FRMD5: variants seen among roughly 807,000 people sequenced by gnomAD.
The protein encoded by FRMD5 is FERM domain-containing protein 5.
Under a neutral mutation model 69.0 loss-of-function variants are expected in FRMD5, and 20 were observed. That is an observed-to-expected ratio of 0.29 (90% CI 0.20 to 0.42). FRMD5 has a LOEUF of 0.42. Among genes scored for constraint, FRMD5 ranks in the 10% least tolerant of loss-of-function variants. The pLI, the probability that FRMD5 is intolerant of heterozygous loss-of-function variation, is 1.00. For synonymous variants in FRMD5, 271 were observed against 260.1 expected (o/e 1.04, Z -0.40); for missense variants, 595 against 708.6 (o/e 0.84, Z 1.82).
intron 1 of FRMD5, among the ~76,000 whole-genome samples, chr15:44,128,037 G>C (rs2077046932): frequency 1.3e-5 from 2 of 152,134 alleles, no homozygotes; most frequent in Non-Finnish European, 2.9e-5. Flanking sequence ...TATGCCAAGA[G>C]AGAGGAAGGT....
chr15:43,929,581 G>A (rs866213211), intron 1 of FRMD5, among the ~76,000 whole-genome samples: 15 of 152,194 alleles, frequency 9.9e-5, no homozygotes, highest in Admixed American at 3.3e-4. Flanking sequence ...TTGGTTTCAC[G>A]GGCCCTTAGA....
At chr15:44,106,306 C>T (rs2076717411) in intron 1 of FRMD5, among the ~76,000 whole-genome samples, 1 of 152,134 alleles carries the variant, frequency 6.6e-6, no homozygotes, top group South Asian at 2.1e-4. Flanking sequence ...TGTGGGGTTT[C>T]CCTTTAAGGA....
At chr15:44,163,764 T>A (rs1273577840) in intron 1 of FRMD5, among the ~76,000 whole-genome samples, 2 of 152,104 alleles carry the variant, frequency 1.3e-5, no homozygotes, top group Non-Finnish European at 2.9e-5. Context: ...TTCTGCAGGG[T>A]CTCAGGAAAA....
At chr15:44,174,140 A>G (rs2077852557) in intron 1 of FRMD5, among the ~76,000 whole-genome samples, 2 of 152,158 alleles carry the variant, frequency 1.3e-5, no homozygotes, top group South Asian at 2.1e-4. Flanking sequence ...ATTCTGCTCA[A>G]TGTAACCATG....
chr15:44,035,944 T>G (rs1415926078), intron 1 of FRMD5, among the ~76,000 whole-genome samples: 1 of 152,214 alleles, frequency 6.6e-6, no homozygotes, highest in South Asian at 2.1e-4. Context: ...ATGTTATACA[T>G]GTGCTCCTGA....
chr15:44,176,630 T>C (rs965017105), intron 1 of FRMD5, among the ~76,000 whole-genome samples: 1 of 152,168 alleles, frequency 6.6e-6, no homozygotes, highest in African/African-American at 2.4e-5. Flanking sequence ...GTAAATCATC[T>C]ATCTGATAAA....
At chr15:43,920,943 G>A (rs905588306) in intron 2 of FRMD5, among the ~76,000 whole-genome samples, 2 of 152,218 alleles carry the variant, frequency 1.3e-5, no homozygotes, top group African/African-American at 4.8e-5. Flanking sequence ...GCTGGGCCAT[G>A]GGTCATGCAG....
At chr15:44,021,727 A>G (rs1438313871) in intron 1 of FRMD5, among the ~76,000 whole-genome samples, 4 of 152,218 alleles carry the variant, frequency 2.6e-5, no homozygotes, top group Non-Finnish European at 5.9e-5. Context: ...GCTATGTAAA[A>G]TGTTATGGTC....
intron 1 of FRMD5, among the ~76,000 whole-genome samples, chr15:44,136,024 T>C (rs191502090): frequency 7.2e-5 from 11 of 151,812 alleles, no homozygotes; most frequent in Non-Finnish European, 5.9e-5. Flanking sequence ...TCCCTTTTTT[T>C]CTTTTCTTTT....
chr15:43,926,420 G>T (rs768645643), intron 1 of FRMD5, among the ~76,000 whole-genome samples: 1 of 152,196 alleles, frequency 6.6e-6, no homozygotes, highest in Non-Finnish European at 1.5e-5. Flanking sequence ...AATTGAGGTT[G>T]TAAGATAAGA....
At chr15:43,992,364 G>A (rs1363561124) in intron 1 of FRMD5, among the ~76,000 whole-genome samples, 1 of 150,746 alleles carries the variant, frequency 6.6e-6, no homozygotes, top group African/African-American at 2.4e-5. Flanking sequence ...TTTTTGCAAG[G>A]GACTGGAGTT....
At chr15:44,029,630 G>A (rs190148901) in intron 1 of FRMD5, among the ~76,000 whole-genome samples, 2 of 152,304 alleles carry the variant, frequency 1.3e-5, no homozygotes, top group Admixed American at 1.3e-4. Context: ...TGCTGACATG[G>A]TAACTAAAAC....
intron 1 of FRMD5, among the ~76,000 whole-genome samples, chr15:43,931,671 G>C (rs995747670): frequency 6.6e-6 from 1 of 151,888 alleles, no homozygotes; most frequent in Non-Finnish European, 1.5e-5. Flanking sequence ...GGATGGCCAG[G>C]GTCAGGAGAA....
intron 1 of FRMD5, among the ~76,000 whole-genome samples, chr15:44,005,588 T>C (rs1890406782): frequency 6.6e-6 from 1 of 152,072 alleles, no homozygotes; most frequent in African/African-American, 2.4e-5. Flanking sequence ...GCGGCTTCTA[T>C]TTCTTGGGAG....
intron 1 of FRMD5, among the ~76,000 whole-genome samples, chr15:44,143,250 G>A (rs1247523559): frequency 2.6e-5 from 4 of 152,120 alleles, no homozygotes; most frequent in African/African-American, 9.7e-5. Context: ...AAACTAGAGA[G>A]TAGAAAATAT....
At chr15:44,048,661 C>T (rs1453365168) in intron 1 of FRMD5, among the ~76,000 whole-genome samples, 2 of 152,058 alleles carry the variant, frequency 1.3e-5, no homozygotes, top group Admixed American at 6.5e-5. Flanking sequence ...CAACCTCCGT[C>T]TCCCAGGTTC....
intron 1 of FRMD5, chr15:43,990,101 G>C: frequency 1.5e-6 from 1 of 662,418 alleles, no homozygotes. Flanking sequence ...AAGATGGCCC[G>C]GGGTGGGCAT....
chr15:44,198,808 T>G (rs1429408333), upstream of FRMD5, among the ~76,000 whole-genome samples: 1 of 152,246 alleles, frequency 6.6e-6, no homozygotes, highest in African/African-American at 2.4e-5. Flanking sequence ...ATAAAAGGCC[T>G]TATTTGCCCT....
chr15:44,198,975 G>A (rs960532823), upstream of FRMD5, among the ~76,000 whole-genome samples: 1 of 152,054 alleles, frequency 6.6e-6, no homozygotes, highest in African/African-American at 2.4e-5. Context: ...CTACTATGAG[G>A]GAGTCCCCAG....
Sources: allele counts gnomAD v4.1 joint callset (sites outside exome capture counted in the v4.1 genomes callset), GRCh38; gene constraint gnomAD v4.1.1; transcripts MANE v1.5; gene names NCBI Gene and HGNC (gene_info 2026-07-23, HGNC 2026-07-21).